Variants in PRKN observed in about 807,000 individuals in gnomAD.
The protein encoded by PRKN is E3 ubiquitin-protein ligase parkin.
Under a neutral mutation model 59.5 loss-of-function variants are expected in PRKN, and 56 were observed. The ratio of observed to expected loss-of-function variants is 0.94; its 90% confidence interval spans 0.76 to 1.18. PRKN has a LOEUF of 1.18. PRKN is among the 50% of genes most tolerant of loss of function. The probability of loss-of-function intolerance (pLI) is 0.00; values close to 1 mark genes in which losing one functional copy is unlikely to be tolerated. For synonymous variants in PRKN, 250 were observed against 222.1 expected (o/e 1.13, Z -1.12); for missense variants, 657 against 596.4 (o/e 1.10, Z -1.06).
At chr6:162,042,527 A>G (rs1369540604) in intron 5 of PRKN, among the ~76,000 whole-genome samples, 2 of 152,110 alleles carry the variant, frequency 1.3e-5, no homozygotes, top group African/African-American at 4.8e-5. Context: ...GGGCTCAAAC[A>G]ATACTACTGC....
At chr6:162,049,628 T>G (rs1017456307) in intron 5 of PRKN, among the ~76,000 whole-genome samples, 1 of 152,172 alleles carries the variant, frequency 6.6e-6, no homozygotes, top group African/African-American at 2.4e-5. Flanking sequence ...AAATACAAAT[T>G]TAGCTACACT....
intron 6 of PRKN, among the ~76,000 whole-genome samples, chr6:161,833,071 C>T (rs995406447): frequency 9.9e-5 from 15 of 152,130 alleles, no homozygotes; most frequent in Non-Finnish European, 1.9e-4. Flanking sequence ...ACAATTAGTT[C>T]ACTGTAGACA....
chr6:161,730,384 C>G (rs1482095449), intron 7 of PRKN, among the ~76,000 whole-genome samples: 1 of 149,122 alleles, frequency 6.7e-6, no homozygotes, highest in Non-Finnish European at 1.5e-5. Flanking sequence ...TGCATTCTTT[C>G]AGATATGTTG....
rs1780431444 is a variant in PRKN at position 161,560,883 on chromosome 6, C to T, written c.933+8472G>A. Among the ~76,000 whole-genome samples, 1 of 152,222 alleles carries T rather than the reference C, an allele frequency of 6.6e-6. No homozygotes were observed. Among genetic ancestry groups the T allele is most frequent in the Non-Finnish European group, 1.5e-5 (1 of 68,052 alleles). ...TCTGACAGCTTCTGTCATCTACCAC[C>T]AGAAGCATTGCCTGGAAAACACAGA... On this transcript the variant is annotated intron_variant, in intron 8 of 11. Transcript: ENST00000366898. The surrounding 1 kb of genome is among the most constrained non-coding windows in gnomAD (Gnocchi z 4.9).
At chr6:161,613,366 GA>G (rs1227502638) in intron 7 of PRKN, among the ~76,000 whole-genome samples, 1 of 144,384 alleles carries the variant, frequency 6.9e-6, no homozygotes, top group Non-Finnish European at 1.5e-5. Flanking sequence ...GATGCGCAAA[GA>G]TTTTTTTTTT....
chr6:162,619,660 A>G (rs73595989), intron 1 of PRKN, among the ~76,000 whole-genome samples: 3,069 of 152,244 alleles, frequency 0.02, 106 homozygotes, highest in African/African-American at 0.069. Context: ...ACAGTTGTAT[A>G]AAAAGTAATA....
At chr6:162,351,274 T>C (rs1051683057) in intron 2 of PRKN, among the ~76,000 whole-genome samples, 4 of 152,046 alleles carry the variant, frequency 2.6e-5, no homozygotes, top group Admixed American at 2.0e-4. Flanking sequence ...GGCAAAAGAT[T>C]TGAATGGACA....
At chr6:162,144,792 C>T (rs1178875075) in intron 4 of PRKN, among the ~76,000 whole-genome samples, 1 of 152,112 alleles carries the variant, frequency 6.6e-6, no homozygotes, top group Admixed American at 6.6e-5. Flanking sequence ...AAAGCTTCGG[C>T]ACAGTGGAAA....
chr6:161,868,549 C>G (rs943722606), intron 6 of PRKN, among the ~76,000 whole-genome samples: 3 of 152,126 alleles, frequency 2.0e-5, no homozygotes, highest in Non-Finnish European at 4.4e-5. Flanking sequence ...CCACTGCACT[C>G]CAACCTAGGT....
At chr6:162,366,264 T>C (rs71567643) in intron 2 of PRKN, among the ~76,000 whole-genome samples, 1 of 152,234 alleles carries the variant, frequency 6.6e-6, no homozygotes, top group African/African-American at 2.4e-5. Context: ...AAATCTTTTT[T>C]ATTCTTTTAT....
intron 7 of PRKN, among the ~76,000 whole-genome samples, chr6:161,693,266 T>A (rs1785879261): frequency 6.6e-6 from 1 of 152,208 alleles, no homozygotes; most frequent in African/African-American, 2.4e-5. Flanking sequence ...ATAGATTTTT[T>A]CTGTCTTTTA....
chr6:162,725,052 T>C (rs1372472576), intron 1 of PRKN, among the ~76,000 whole-genome samples: 1 of 152,244 alleles, frequency 6.6e-6, no homozygotes, highest in Non-Finnish European at 1.5e-5. Flanking sequence ...CCTCCGTTTG[T>C]GAAGTGTGTA....
At chr6:161,443,030 G>A (rs56184895) in intron 9 of PRKN, among the ~76,000 whole-genome samples, 4 of 152,066 alleles carry the variant, frequency 2.6e-5, no homozygotes, top group Non-Finnish European at 5.9e-5. Context: ...GAGCGAGGCC[G>A]GGCGCGGTGG....
At chr6:162,249,481 G>T (rs1302378192) in intron 3 of PRKN, among the ~76,000 whole-genome samples, 1 of 152,096 alleles carries the variant, frequency 6.6e-6, no homozygotes, top group Non-Finnish European at 1.5e-5. Context: ...GACAAATCAG[G>T]TTTACTACCT....
At chr6:162,058,217 T>C (rs1345054768) in intron 4 of PRKN, among the ~76,000 whole-genome samples, 3 of 152,232 alleles carry the variant, frequency 2.0e-5, no homozygotes, top group Non-Finnish European at 4.4e-5. Flanking sequence ...TCATATTACT[T>C]TCCTTTGATC....
At position 161,454,373 on chromosome 6, in the gene PRKN, G is replaced by A. The variant is rs1408007562; in HGVS notation, c.1084-67496C>T. Among the ~76,000 whole-genome samples the A allele has an allele frequency of 2.0e-5, 3 of 152,160 alleles. No individual in the cohort carries two copies. The highest frequency in any genetic ancestry group is 6.5e-5 in the Admixed American group (1 of 15,276). Reference sequence around the variant, plus strand: ...CTCTGAAGTTCTTGAAGAAGGCACTGGCTGGGGTTAGGGTGGCTTTGGGAA... The same window carrying A: ...CTCTGAAGTTCTTGAAGAAGGCACTAGCTGGGGTTAGGGTGGCTTTGGGAA... On this transcript the variant is annotated intron_variant, in intron 9 of 11. Coordinates refer to ENST00000366898, the MANE Select transcript of PRKN (RefSeq NM_004562.3). The surrounding 1 kb of genome is among the most constrained non-coding windows in gnomAD (Gnocchi z 4.6).
chr6:162,365,164 ATAAAG>A (rs1296201373), intron 2 of PRKN, among the ~76,000 whole-genome samples: 4 of 152,110 alleles, frequency 2.6e-5, no homozygotes, highest in Non-Finnish European at 5.9e-5. Flanking sequence ...ACAAAAGTGT[ATAAAG>A]TAAAAAGTCA....
chr6:162,255,118 A>G (rs1267273955), intron 3 of PRKN, among the ~76,000 whole-genome samples: 2 of 151,266 alleles, frequency 1.3e-5, no homozygotes, highest in Non-Finnish European at 2.9e-5. Flanking sequence ...AAAATAAAAT[A>G]AAATAAAATA....
At chr6:161,464,670 G>A (rs905218913) in intron 9 of PRKN, among the ~76,000 whole-genome samples, 1 of 152,178 alleles carries the variant, frequency 6.6e-6, no homozygotes, top group Admixed American at 6.5e-5. Flanking sequence ...CTCAGAAAGT[G>A]TAAACTCATG....
Sources: allele counts gnomAD v4.1 joint callset (sites outside exome capture counted in the v4.1 genomes callset), GRCh38; gene constraint gnomAD v4.1.1; non-coding constraint Gnocchi (gnomAD v3.1); transcripts MANE v1.5; gene names NCBI Gene and HGNC (gene_info 2026-07-23, HGNC 2026-07-21).